The following HSD17B2 variants were observed in gnomAD, a reference collection of about 807,000 sequenced individuals.
The protein encoded by HSD17B2 is hydroxysteroid 17-beta dehydrogenase 2, also known as 17-beta-hydroxysteroid dehydrogenase type 2.
HSD17B2 carries 32 observed loss-of-function variants against 26.9 expected under a neutral mutation model. The ratio of observed to expected loss-of-function variants is 1.19; its 90% CI spans 0.90 to 1.60. The LOEUF (loss-of-function observed/expected upper bound fraction) is 1.60. Among genes scored for constraint, HSD17B2 ranks in the 40% most tolerant of loss-of-function variants. HSD17B2 has a pLI of 0.00. For synonymous variants in HSD17B2, 246 were observed against 186.7 expected (o/e 1.32, Z -2.59); for missense variants, 613 against 468.6 (o/e 1.31, Z -2.85).
At position 82,068,250 on chromosome 16, in the gene HSD17B2, GA is replaced by G; in HGVS notation, c.350del (p.Asn117MetfsTer29). The G allele has an allele frequency of 6.2e-7, 1 of 1,614,092 alleles. No individual in the cohort carries two copies. Among genetic ancestry groups the G allele is most frequent in the African/African-American group, 1.3e-5 (1 of 74,996 alleles). Reference protein sequence around the residue: ...GFTVFAGVLNENGPGAEELRR... With the variant: ...GFTVFAGVLNXNGPGAEELRR... The stretch of plus-strand genomic sequence containing the variant: ...CACGGTATTTGCCGGAGTTTTGAAT[GA>G]AAATGGCCCAGGAGCTGAGGAATTG... On this transcript the variant is annotated frameshift_variant, in exon 2 of 5. Coordinates refer to ENST00000199936, the MANE Select transcript of HSD17B2 (RefSeq NM_002153.3). LOFTEE classifies it high-confidence loss of function.
chr16:82,065,425 T>C (rs961183808), intron 1 of HSD17B2, among the ~76,000 whole-genome samples: 1 of 152,178 alleles, frequency 6.6e-6, no homozygotes, highest in African/African-American at 2.4e-5. Context: ...AGAAGGAACA[T>C]GCTGGGCATC....
At chr16:82,046,055 C>T (rs8049006) in intron 1 of HSD17B2, among the ~76,000 whole-genome samples, 15,689 of 152,178 alleles carry the variant, frequency 0.1, 2,515 homozygotes, top group African/African-American at 0.34. Context: ...AGGTGGGGAG[C>T]GAAGGGTGCT....
At chr16:82,041,254 G>A (rs959626742) in intron 1 of HSD17B2, among the ~76,000 whole-genome samples, 4 of 152,212 alleles carry the variant, frequency 2.6e-5, no homozygotes, top group Admixed American at 1.3e-4. Flanking sequence ...GTTAATGAGC[G>A]AATGCACAGT....
At chr16:82,044,117 G>C (rs1385236093) in intron 1 of HSD17B2, among the ~76,000 whole-genome samples, 2 of 152,048 alleles carry the variant, frequency 1.3e-5, no homozygotes, top group South Asian at 4.2e-4. Flanking sequence ...ACCATTTCCA[G>C]TTTCTTTCTT....
intron 3 of HSD17B2, among the ~76,000 whole-genome samples, chr16:82,084,835 C>A (rs769652567): frequency 6.6e-6 from 1 of 152,188 alleles, no homozygotes; most frequent in Non-Finnish European, 1.5e-5. Context: ...TGGGCTCAAG[C>A]GATCCTCCCA....
rs1237469500 is a variant in HSD17B2 at position 82,048,980 on chromosome 16, G to A, written c.265+13291G>A. ...AAGGACAATAAAGTAACCAGAGAAC[G>A]CATTATGATGAAAATAATCCTGGCT... is the stretch of plus-strand genomic sequence containing the variant. On this transcript the variant is annotated intron_variant, in intron 1 of 4. Coordinates refer to ENST00000199936, the MANE Select transcript of HSD17B2 (RefSeq NM_002153.3). Among the ~76,000 whole-genome samples the A allele has an allele frequency of 3.7e-4, 57 of 152,174 alleles. 1 individual carries two copies. The highest frequency in any genetic ancestry group is 3.7e-3 in the Admixed American group (57 of 15,280).
chr16:82,071,058 G>T lies in HSD17B2; in HGVS notation c.595G>T (p.Val199Phe), dbSNP rs865809031. ...MAVNFFGTVE[V>F]TKTFLPLLRK... is the part of the protein sequence containing the mutation. Reference sequence around the variant, plus strand: ...CGTGAACTTCTTTGGAACTGTGGAGGTCACAAAGACGTTTTTGCCTCTTCT... The same window carrying T: ...CGTGAACTTCTTTGGAACTGTGGAGTTCACAAAGACGTTTTTGCCTCTTCT... The change falls in exon 3 of 5, where the codon GTC becomes TTC. Residue 199 changes from valine (V) to phenylalanine (F), a missense_variant. Coordinates refer to ENST00000199936, the MANE Select transcript of HSD17B2 (RefSeq NM_002153.3). 2 of 1,614,208 alleles carry T rather than the reference G, an allele frequency of 1.2e-6. No individual in the cohort carries two copies.
intron 1 of HSD17B2, among the ~76,000 whole-genome samples, chr16:82,037,923 T>C (rs1913663127): frequency 6.6e-6 from 1 of 152,204 alleles, no homozygotes; most frequent in Non-Finnish European, 1.5e-5. Flanking sequence ...TGGAAATAGT[T>C]TGTAAATGAA....
At chr16:82,073,347 C>T (rs1283431763) in intron 3 of HSD17B2, among the ~76,000 whole-genome samples, 1 of 151,982 alleles carries the variant, frequency 6.6e-6, no homozygotes, top group East Asian at 1.9e-4. Flanking sequence ...GCCTCAGCCT[C>T]CCTAGTAGCT....
intron 1 of HSD17B2, among the ~76,000 whole-genome samples, chr16:82,043,936 G>C (rs879450855): frequency 1.5e-4 from 23 of 152,120 alleles, no homozygotes; most frequent in Non-Finnish European, 2.9e-4. Flanking sequence ...CTCTGCTCTT[G>C]GAAGTCACAT....
intron 3 of HSD17B2, among the ~76,000 whole-genome samples, chr16:82,088,186 T>C (rs918596954): frequency 5.3e-5 from 8 of 152,304 alleles, no homozygotes; most frequent in African/African-American, 1.7e-4. Flanking sequence ...GTAATCCACA[T>C]AGTAAACAAC....
chr16:82,091,203 A>T, intron 4 of HSD17B2, 164 bp downstream of exon 4: 1 of 749,508 alleles, frequency 1.3e-6, no homozygotes, highest in East Asian at 2.5e-5. Flanking sequence ...GTAACTGCTG[A>T]CAGTAGGGGA....
intron 1 of HSD17B2, among the ~76,000 whole-genome samples, chr16:82,055,896 A>C (rs903385096): frequency 3.9e-5 from 6 of 152,200 alleles, no homozygotes; most frequent in African/African-American, 1.4e-4. Flanking sequence ...AGTAGATTCT[A>C]AGGGAGAGGT....
intron 4 of HSD17B2, chr16:82,096,100 T>C (rs1409669154): frequency 1.3e-5 from 2 of 152,184 alleles, no homozygotes; most frequent in African/African-American, 4.8e-5. Flanking sequence ...TTATACTTAA[T>C]TGCATGTAGT....
At chr16:82,082,340 A>G (rs1335115569) in intron 3 of HSD17B2, among the ~76,000 whole-genome samples, 1 of 152,134 alleles carries the variant, frequency 6.6e-6, no homozygotes, top group African/African-American at 2.4e-5. Context: ...ATTGCTTAAA[A>G]GGATGTTTGC....
chr16:82,078,338 T>C (rs533289752), intron 3 of HSD17B2, among the ~76,000 whole-genome samples: 5 of 152,178 alleles, frequency 3.3e-5, no homozygotes, highest in Non-Finnish European at 7.4e-5. Context: ...CAGTGAGATA[T>C]GATCTCACCC....
At chr16:82,046,197 A>G (rs1913923337) in intron 1 of HSD17B2, among the ~76,000 whole-genome samples, 1 of 152,180 alleles carries the variant, frequency 6.6e-6, no homozygotes, top group Admixed American at 6.5e-5. Flanking sequence ...AAAACAGAAT[A>G]AGGCCCTGCC....
chr16:82,087,953 C>T (rs1226260476), intron 3 of HSD17B2, among the ~76,000 whole-genome samples: 1 of 152,142 alleles, frequency 6.6e-6, no homozygotes, highest in African/African-American at 2.4e-5. Context: ...TCTTGGTGCA[C>T]CCCACCTCCT....
intron 3 of HSD17B2, among the ~76,000 whole-genome samples, chr16:82,073,084 C>T (rs1399633591): frequency 2.6e-5 from 4 of 152,060 alleles, no homozygotes; most frequent in African/African-American, 4.8e-5. Context: ...CAATACAGAG[C>T]ATAACCTTCC....
Sources: allele counts gnomAD v4.1 joint callset (sites outside exome capture counted in the v4.1 genomes callset), GRCh38; gene constraint gnomAD v4.1.1; transcripts MANE v1.5; gene names NCBI Gene and HGNC (gene_info 2026-07-23, HGNC 2026-07-21).